The following RGS6 variants were observed in gnomAD, a reference collection of about 807,000 sequenced individuals.
The protein encoded by RGS6 is regulator of G protein signaling 6, also known as regulator of G-protein signaling 6.
Under a neutral mutation model 78.5 loss-of-function variants are expected in RGS6, and 30 were observed. The observed-to-expected ratio is 0.38, with a 90% confidence interval of 0.29 to 0.52. The LOEUF (loss-of-function observed/expected upper bound fraction) is 0.52. RGS6 is among the 20% of genes least tolerant of loss of function. The probability of loss-of-function intolerance (pLI) is 0.85; values close to 1 mark genes in which losing one functional copy is unlikely to be tolerated. For missense variants in RGS6, 495 were observed against 609.7 expected (o/e 0.81, Z 1.98); for synonymous variants, 206 against 206.0 (o/e 1.00, Z 0.00).
chr14:72,532,390 C>G (rs1175977719), intron 15 of RGS6, among the ~76,000 whole-genome samples: 4 of 152,220 alleles, frequency 2.6e-5, no homozygotes, highest in Non-Finnish European at 5.9e-5. Flanking sequence ...CTCTTTCCCT[C>G]TCCTTGGGCC....
chr14:72,601,953 G>A, the RGS6 span, among the ~76,000 whole-genome samples: 12 of 152,322 alleles, frequency 7.9e-5, no homozygotes, highest in South Asian at 8.3e-4. Flanking sequence ...GTCTGGGGGC[G>A]CTTGTGGCCT....
the RGS6 span, among the ~76,000 whole-genome samples, chr14:72,604,058 C>T: frequency 6.6e-6 from 1 of 152,194 alleles, no homozygotes; most frequent in Non-Finnish European, 1.5e-5. Flanking sequence ...ACACATCAAA[C>T]AAAGTGGAAG....
chr14:72,625,813 ATC>A, the RGS6 span, among the ~76,000 whole-genome samples: 1 of 152,222 alleles, frequency 6.6e-6, no homozygotes. Context: ...AATGCCTTCA[ATC>A]TAGCCTTCCC....
chr14:71,868,229 T>C, the RGS6 span, among the ~76,000 whole-genome samples: 61 of 152,070 alleles, frequency 4.0e-4, no homozygotes, highest in Non-Finnish European at 6.9e-4. Flanking sequence ...GTGAGCAGGA[T>C]GGGGAGCTGT....
downstream of RGS6, among the ~76,000 whole-genome samples, chr14:72,568,504 C>T (rs999029259): frequency 2.6e-5 from 4 of 152,210 alleles, no homozygotes; most frequent in African/African-American, 7.2e-5. Flanking sequence ...GTGTGGGCAG[C>T]GGCCTCTCTC....
intron 2 of RGS6, among the ~76,000 whole-genome samples, chr14:72,137,644 T>G (rs2096465922): frequency 6.6e-6 from 1 of 152,212 alleles, no homozygotes; most frequent in Non-Finnish European, 1.5e-5. Flanking sequence ...AAAGGATTTT[T>G]TAAAGATACA....
intron 2 of RGS6, among the ~76,000 whole-genome samples, chr14:72,308,529 C>T (rs1717354833): frequency 6.6e-6 from 1 of 152,200 alleles, no homozygotes. Context: ...TTTGACAAAT[C>T]ATCTAGTCAT....
chr14:72,245,574 C>G lies in RGS6; in HGVS notation c.85-106521C>G, dbSNP rs896994750. On this transcript the variant is annotated intron_variant, in intron 2 of 17. Transcript: ENST00000553525. Reference sequence around the variant, plus strand: ...CCTTTAAGCAGTTTTCCTCCCTGGGCGGGCCAGGTGTTCCTTGCCCTCATT... The same window carrying G: ...CCTTTAAGCAGTTTTCCTCCCTGGGGGGGCCAGGTGTTCCTTGCCCTCATT... Among the ~76,000 whole-genome samples the G allele has an allele frequency of 2.6e-5, 4 of 152,234 alleles. No homozygotes were observed. The East Asian group carries it at 7.7e-4, about 29-fold the overall frequency.
At chr14:72,248,395 T>A (rs911428630) in intron 2 of RGS6, among the ~76,000 whole-genome samples, 1 of 152,192 alleles carries the variant, frequency 6.6e-6, no homozygotes, top group Non-Finnish European at 1.5e-5. Flanking sequence ...CATAAAAATT[T>A]CCTATTTATG....
At chr14:72,048,149 G>A (rs1389901557) in intron 2 of RGS6, among the ~76,000 whole-genome samples, 1 of 152,060 alleles carries the variant, frequency 6.6e-6, no homozygotes, top group Non-Finnish European at 1.5e-5. Context: ...ACTTCTGAAT[G>A]GGTAGTCACA....
At chr14:72,530,505 T>C (rs938110864) in intron 15 of RGS6, among the ~76,000 whole-genome samples, 2 of 152,112 alleles carry the variant, frequency 1.3e-5, no homozygotes, top group Non-Finnish European at 2.9e-5. Flanking sequence ...CTGGCCAACA[T>C]GGTGAAACAC....
intron 2 of RGS6, among the ~76,000 whole-genome samples, chr14:72,095,168 A>G (rs987839020): frequency 6.6e-6 from 1 of 152,118 alleles, no homozygotes; most frequent in Non-Finnish European, 1.5e-5. Context: ...TTGAGCAGCT[A>G]TGATTGAGCT....
Position 72,269,567 on chromosome 14 carries a change from ATTT to A in RGS6, c.85-82503_85-82501del, listed in dbSNP as rs56171281. 9.1e-3 allele frequency among the ~76,000 whole-genome samples: 1,090 copies of A among 120,334 alleles called. 68 individuals are homozygous for A. Among genetic ancestry groups the A allele is most frequent in the Middle Eastern group, 0.026 (5 of 196 alleles). The allele number at this position is 120,334 out of a possible 152,430, so 78.9% of individuals were successfully genotyped here. On this transcript the variant is annotated intron_variant, in intron 2 of 17. Coordinates refer to ENST00000553525, the MANE Select transcript of RGS6 (RefSeq NM_001204424.2). The stretch of plus-strand genomic sequence containing the variant: ...GTTTTTACAGTGAAACCTATCTTAA[ATTT>A]TTTTTTTTTTTTTTTTTTTTTTTTG...
chr14:71,971,975 T>C (rs1346381073), intron 2 of RGS6, among the ~76,000 whole-genome samples: 1 of 151,154 alleles, frequency 6.6e-6, no homozygotes, highest in African/African-American at 2.4e-5. Flanking sequence ...TGGGTGGTAG[T>C]AGTCTTAGTG....
chr14:72,481,241 T>C (rs1209279425), intron 12 of RGS6, among the ~76,000 whole-genome samples: 1 of 152,204 alleles, frequency 6.6e-6, no homozygotes, highest in Admixed American at 6.5e-5. Flanking sequence ...TGGGACTCAG[T>C]CTGCACACTG....
At chr14:72,345,019 C>T (rs1283226800) in intron 2 of RGS6, among the ~76,000 whole-genome samples, 1 of 152,194 alleles carries the variant, frequency 6.6e-6, no homozygotes, top group Non-Finnish European at 1.5e-5. Flanking sequence ...AGTTAAACAC[C>T]TTCTTCCCCA....
At chr14:72,136,331 T>C (rs1598203227) in intron 2 of RGS6, among the ~76,000 whole-genome samples, 1 of 152,070 alleles carries the variant, frequency 6.6e-6, no homozygotes, top group African/African-American at 2.4e-5. Context: ...TTATGGTAGG[T>C]GTTCAACAAA....
intron 3 of RGS6, among the ~76,000 whole-genome samples, chr14:72,413,124 G>T (rs1405991519): frequency 6.6e-6 from 1 of 152,190 alleles, no homozygotes; most frequent in Non-Finnish European, 1.5e-5. Flanking sequence ...GGATATCCTT[G>T]TTAACTTTCT....
chr14:72,211,377 G>A (rs932976182), intron 2 of RGS6, among the ~76,000 whole-genome samples: 23 of 152,158 alleles, frequency 1.5e-4, no homozygotes, highest in African/African-American at 5.6e-4. Flanking sequence ...ATTGTTTTTG[G>A]GGAGTTATGC....
Sources: allele counts gnomAD v4.1 joint callset (sites outside exome capture counted in the v4.1 genomes callset), GRCh38; gene constraint gnomAD v4.1.1; transcripts MANE v1.5; gene names NCBI Gene and HGNC (gene_info 2026-07-23, HGNC 2026-07-21).